Variants in TMEM120B observed in about 807,000 individuals in gnomAD.
TMEM120B encodes transmembrane protein 120B.
TMEM120B carries 31 observed loss-of-function variants against 55.5 expected under a neutral mutation model. The ratio of observed to expected loss-of-function variants is 0.56; its 90% CI spans 0.42 to 0.75. TMEM120B has a LOEUF of 0.75. TMEM120B is among the 30% of genes least tolerant of loss of function. The probability of loss-of-function intolerance (pLI) is 0.00; values close to 1 mark genes in which losing one functional copy is unlikely to be tolerated. For synonymous variants in TMEM120B, 203 were observed against 176.3 expected (o/e 1.15, Z -1.20); for missense variants, 399 against 425.5 (o/e 0.94, Z 0.55).
At chr12:121,774,772 G>T in intron 10 of TMEM120B, 50 bp downstream of exon 10, 1 of 1,592,946 alleles carries the variant, frequency 6.3e-7, no homozygotes, top group East Asian at 2.2e-5. Flanking sequence ...CTGACCCCCA[G>T]GAACAGAAGG....
At chr12:121,748,294 C>T (rs550840136) in intron 2 of TMEM120B, 32 bp from the exon 3 acceptor site, 4 of 1,564,740 alleles carry the variant, frequency 2.6e-6, no homozygotes, top group Admixed American at 3.4e-5. Context: ...TGAGTGACGC[C>T]CCTTCCCCTG....
chr12:121,748,107 TGGGGTAGAAGGTGGGAGG>T (rs1304640513), intron 2 of TMEM120B, among the ~76,000 whole-genome samples: 2 of 40,542 alleles, frequency 4.9e-5, no homozygotes, highest in African/African-American at 1.9e-4. Flanking sequence ...GGTGGGAGGC[TGGGGTAGAAGGTGGGAGG>T]CTGGGGTAGA....
chr12:121,737,243 C>G (rs554095781), intron 1 of TMEM120B, among the ~76,000 whole-genome samples: 4 of 152,068 alleles, frequency 2.6e-5, no homozygotes, highest in African/African-American at 9.7e-5. Context: ...TGGTGGCTTA[C>G]GTCTGTAAAC....
Position 121,773,467 on chromosome 12 carries a change from C to T in TMEM120B, c.726C>T (p.Tyr242=), listed in dbSNP as rs749736661. ...LQYYYQRGCL[Y]RLRALGERNH... is the part of the protein sequence containing the mutation. ...ATTATTACCAGAGGGGCTGCCTCTACCGGCTGCGGGCCCTGGGGGAGAGGA... is the reference window on the plus strand; with the variant it reads ...ATTATTACCAGAGGGGCTGCCTCTATCGGCTGCGGGCCCTGGGGGAGAGGA... Residue 242 remains tyrosine, a synonymous_variant, in exon 9 of 12, where the codon TAC becomes TAT. Coordinates refer to ENST00000449592, the MANE Select transcript of TMEM120B (RefSeq NM_001080825.2). 2 of 1,609,176 alleles carry T rather than the reference C, an allele frequency of 1.2e-6. No individual in the cohort carries two copies. The highest frequency in any genetic ancestry group is 1.7e-6 in the Non-Finnish European group (2 of 1,177,436).
At chr12:121,740,624 T>C (rs1168330848) in intron 1 of TMEM120B, among the ~76,000 whole-genome samples, 3 of 151,586 alleles carry the variant, frequency 2.0e-5, no homozygotes, top group Non-Finnish European at 4.4e-5. Flanking sequence ...CATTGAGGAG[T>C]AGCAGGAGGA....
At chr12:121,772,438 CTT>C (rs113833541) in intron 8 of TMEM120B, among the ~76,000 whole-genome samples, 18 of 128,404 alleles carry the variant, frequency 1.4e-4, no homozygotes, top group Admixed American at 4.7e-4. Flanking sequence ...CCGTTTCTTT[CTT>C]TTTTTTTTTT....
intron 3 of TMEM120B, 111 bp from the exon 4 acceptor site, chr12:121,750,269 A>G (rs1873233927): frequency 1.9e-6 from 2 of 1,027,042 alleles, no homozygotes; most frequent in African/African-American, 3.1e-5. Context: ...TAGGCCCCCT[A>G]TCTTCTAACA....
chr12:121,763,565 C>A (rs1273315637), intron 6 of TMEM120B, among the ~76,000 whole-genome samples: 1 of 152,120 alleles, frequency 6.6e-6, no homozygotes, highest in Non-Finnish European at 1.5e-5. Context: ...GTCTCAGCCT[C>A]CCGAGTAGCT....
intron 3 of TMEM120B, among the ~76,000 whole-genome samples, chr12:121,750,171 G>A (rs576022378): frequency 2.6e-5 from 4 of 152,000 alleles, no homozygotes; most frequent in Admixed American, 1.3e-4. Context: ...AGGAGAAATC[G>A]ACTCCTCACA....
In TMEM120B at chr12:121,712,815, C is replaced by A. The variant is rs981552852; in HGVS notation, c.-81C>A. 12 of 1,096,692 alleles carry A rather than the reference C, an allele frequency of 1.1e-5. No individual in the cohort carries two copies. The highest frequency in any genetic ancestry group is 1.4e-5 in the Non-Finnish European group (12 of 849,712). The allele number at this position is 1,096,692 out of a possible 1,614,324, so 67.9% of individuals were successfully genotyped here. On this transcript the variant is annotated 5_prime_UTR_variant, in exon 1 of 12. Transcript: ENST00000449592. Reference sequence around the variant, plus strand: ...TGCCTCCGAGGGCGGTCGGCGAGCGCGCGGGCGTGGGGCGCTGGGGGGCCG... The same window carrying A: ...TGCCTCCGAGGGCGGTCGGCGAGCGAGCGGGCGTGGGGCGCTGGGGGGCCG...
intron 1 of TMEM120B, among the ~76,000 whole-genome samples, chr12:121,740,780 T>C (rs1024727366): frequency 1.6e-4 from 24 of 152,300 alleles, no homozygotes; most frequent in African/African-American, 5.8e-4. Context: ...AGAATATAGC[T>C]GTTCTTACTA....
chr12:121,721,848 G>A (rs973446624), intron 1 of TMEM120B, among the ~76,000 whole-genome samples: 1 of 125,960 alleles, frequency 7.9e-6, no homozygotes. Flanking sequence ...TTGCTCTGTC[G>A]CCCAGGCTGG....
intron 1 of TMEM120B, among the ~76,000 whole-genome samples, chr12:121,740,468 A>G (rs1872903443): frequency 6.6e-6 from 1 of 152,118 alleles, no homozygotes; most frequent in Admixed American, 6.6e-5. Flanking sequence ...CTGGGCAACA[A>G]GAGTGAGACT....
chr12:121,758,762 TGC>T (rs1873568291), intron 5 of TMEM120B: 1 of 868,348 alleles, frequency 1.2e-6, no homozygotes, highest in African/African-American at 3.7e-5. Flanking sequence ...GGCCCAGCCC[TGC>T]GCTGTGGTCA....
intron 1 of TMEM120B, among the ~76,000 whole-genome samples, chr12:121,737,145 G>A (rs773142395): frequency 2.6e-5 from 4 of 152,132 alleles, no homozygotes; most frequent in Admixed American, 6.6e-5. Flanking sequence ...CTAGATTTAA[G>A]GAGAGAGAAC....
At chr12:121,759,122 G>GTTTTT (rs367619585) in intron 5 of TMEM120B, 252 of 662,396 alleles carry the variant, frequency 3.8e-4, no homozygotes, top group Middle Eastern at 1.6e-3. Flanking sequence ...AGTGTCTACT[G>GTTTTT]TTTTTTTTTT....
Position 121,769,677 on chromosome 12 carries a change from A to C in TMEM120B, c.552-1230A>C, listed in dbSNP as rs555185928. Among the ~76,000 whole-genome samples the C allele has an allele frequency of 2.0e-5, 3 of 152,052 alleles. No homozygotes were observed. The East Asian group carries it at 5.8e-4, about 29-fold the overall frequency. On this transcript the variant is annotated intron_variant, in intron 6 of 11. Transcript: ENST00000449592. The stretch of plus-strand genomic sequence containing the variant: ...ATGATTGCACCACTGCACTCCAGAC[A>C]GGGTGACAGAGTGAGACCCTGCCTG...
intron 6 of TMEM120B, among the ~76,000 whole-genome samples, chr12:121,765,579 G>A (rs1359667508): frequency 1.3e-5 from 2 of 152,192 alleles, no homozygotes; most frequent in African/African-American, 4.8e-5. Flanking sequence ...GGGCCTCTGG[G>A]CCCAAATAGA....
At chr12:121,735,966 A>G (rs1360849499) in intron 1 of TMEM120B, among the ~76,000 whole-genome samples, 1 of 152,112 alleles carries the variant, frequency 6.6e-6, no homozygotes, top group African/African-American at 2.4e-5. Context: ...TTGGGATTAC[A>G]GTGCGCCTGG....
Sources: gnomAD v4.1 joint callset for allele counts (sites outside exome capture counted in the v4.1 genomes callset) on GRCh38, gnomAD v4.1.1 for gene constraint, MANE v1.5 for transcripts, NCBI Gene and HGNC (gene_info 2026-07-23, HGNC 2026-07-21) for gene names.